Variants in SEC24D observed in about 807,000 individuals in gnomAD.
SEC24D encodes the protein protein transport protein Sec24D.
In SEC24D, 69 loss-of-function variants were observed where a neutral mutation model predicts 116.9. The ratio of observed to expected loss-of-function variants is 0.59; its 90% confidence interval spans 0.49 to 0.72. The LOEUF (loss-of-function observed/expected upper bound fraction) is 0.72. Among genes scored for constraint, SEC24D ranks in the 30% least tolerant of loss-of-function variants. The pLI, the probability that SEC24D is intolerant of heterozygous loss-of-function variation, is 0.00. For missense variants in SEC24D, 1,131 were observed against 1,264.1 expected (o/e 0.89, Z 1.60); for synonymous variants, 405 against 442.8 (o/e 0.91, Z 1.07).
chr4:118,738,375 A>T lies in SEC24D; in HGVS notation c.2382T>A (p.Phe794Leu), dbSNP rs762517139. The T allele has an allele frequency of 2.5e-6, 4 of 1,595,444 alleles. No individual in the cohort carries two copies. The African/African-American group carries it at 4.0e-5, about 16-fold the overall frequency. ...TCAAAGGCTGGTGGAGAACTGCTTT[A>T]AAAGCTACATCACAAAACAATGAAA... ...ALINFFAKSA[F>L]KAVLHQPLKV... The change falls in exon 19 of 23, where the codon TTT becomes TTA. Residue 794 changes from phenylalanine to leucine, a missense_variant. Coordinates refer to ENST00000280551, the MANE Select transcript of SEC24D (RefSeq NM_014822.4).
chr4:118,766,154 T>C (rs1036501004), intron 9 of SEC24D, among the ~76,000 whole-genome samples: 1 of 152,212 alleles, frequency 6.6e-6, no homozygotes, highest in African/African-American at 2.4e-5. Context: ...ATATGTGAAA[T>C]GTTTTCCCTT....
chr4:118,779,818 T>C (rs972067676), intron 8 of SEC24D, among the ~76,000 whole-genome samples: 28 of 152,230 alleles, frequency 1.8e-4, no homozygotes, highest in Non-Finnish European at 3.5e-4. Flanking sequence ...AACTTCTTCC[T>C]GGTTTAGTCT....
At chr4:118,807,224 A>G (rs552118072) in intron 6 of SEC24D, among the ~76,000 whole-genome samples, 1 of 152,340 alleles carries the variant, frequency 6.6e-6, no homozygotes, top group East Asian at 1.9e-4. Context: ...GCTGCAGAGA[A>G]GTCAACAGCA....
At position 118,815,660 on chromosome 4, in the gene SEC24D, G is replaced by A. The variant is rs1415372114; in HGVS notation, c.464C>T (p.Pro155Leu). Residue 155 changes from proline (P) to leucine (L), a missense_variant, in exon 5 of 23, where the codon CCT (proline) becomes CTT (leucine). Pro to Leu is a moderately conservative substitution (Grantham distance 98). Transcript: ENST00000280551. ...GPLSATSLQT[P>L]PRPPQPSILQ... Reference sequence around the variant, plus strand: ...AATGGAAGGCTGTGGAGGTCGTGGAGGAGTCTGCAATGATGTGGCTGACAG... The same window carrying A: ...AATGGAAGGCTGTGGAGGTCGTGGAAGAGTCTGCAATGATGTGGCTGACAG... The A allele has an allele frequency of 6.2e-7, 1 of 1,613,992 alleles. No individual in the cohort carries two copies. The highest frequency in any genetic ancestry group is 1.7e-5 in the Admixed American group (1 of 60,008).
intron 8 of SEC24D, among the ~76,000 whole-genome samples, chr4:118,772,016 TCA>T (rs1344079951): frequency 6.6e-6 from 1 of 152,226 alleles, no homozygotes; most frequent in Non-Finnish European, 1.5e-5. Context: ...GTTAAATTAT[TCA>T]CAGATTGTAT....
chr4:118,786,216 T>G (rs1728659897), intron 8 of SEC24D, among the ~76,000 whole-genome samples: 1 of 152,222 alleles, frequency 6.6e-6, no homozygotes, highest in Non-Finnish European at 1.5e-5. Flanking sequence ...TCAGAAATAA[T>G]CTGTGCTTCA....
Position 118,743,969 on chromosome 4 carries a change from A to G in SEC24D, c.1995+19T>C, listed in dbSNP as rs764485966. Reference sequence around the variant, plus strand: ...AAATGGGAGTAGAAGACCAAGGTGAACAAATTGCTGGCATTTACCTGGAAA... The same window carrying G: ...AAATGGGAGTAGAAGACCAAGGTGAGCAAATTGCTGGCATTTACCTGGAAA... On this transcript the variant is annotated intron_variant, in intron 15 of 22. Coordinates refer to ENST00000280551, the MANE Select transcript of SEC24D (RefSeq NM_014822.4). The G allele has an allele frequency of 1.3e-6, 2 of 1,588,076 alleles. No homozygotes were observed. The highest frequency in any genetic ancestry group is 1.7e-6 in the Non-Finnish European group (2 of 1,167,420).
rs1725499887 is a variant in SEC24D, at chr4:118,728,122, C to T, written c.2958+439G>A. 1.3e-5 allele frequency among the ~76,000 whole-genome samples: 2 copies of T among 152,166 alleles called. 1 individual carries two copies. The highest frequency in any genetic ancestry group is 4.1e-4 in the South Asian group (2 of 4,822). On this transcript the variant is annotated intron_variant, in intron 22 of 22. Transcript: ENST00000280551. ...TCTAGACATATTAAAATTTTTTACTCAAACTCAGAAAAGGCTAGAAGGGCT... is the reference window on the plus strand; with the variant it reads ...TCTAGACATATTAAAATTTTTTACTTAAACTCAGAAAAGGCTAGAAGGGCT...
intron 15 of SEC24D, among the ~76,000 whole-genome samples, chr4:118,742,823 T>A (rs1369593632): frequency 6.6e-6 from 1 of 152,140 alleles, no homozygotes; most frequent in Non-Finnish European, 1.5e-5. Context: ...GGGGAGTGAC[T>A]CATCTGATTA....
intron 1 of SEC24D, among the ~76,000 whole-genome samples, chr4:118,834,909 C>G (rs897377588): frequency 6.6e-6 from 1 of 152,098 alleles, no homozygotes; most frequent in African/African-American, 2.4e-5. Context: ...AAATTTGAAG[C>G]CTAAAATTTG....
chr4:118,802,904 G>A (rs911131233), intron 7 of SEC24D, among the ~76,000 whole-genome samples: 1 of 152,160 alleles, frequency 6.6e-6, no homozygotes, highest in Non-Finnish European at 1.5e-5. Flanking sequence ...GGAAAGTTAC[G>A]TAGCCTTAAA....
intron 8 of SEC24D, among the ~76,000 whole-genome samples, chr4:118,773,818 GTA>G (rs1421961658): frequency 1.3e-5 from 2 of 152,118 alleles, no homozygotes; most frequent in African/African-American, 4.8e-5. Context: ...TAGCTTTACT[GTA>G]TATGACATTT....
intron 11 of SEC24D, among the ~76,000 whole-genome samples, chr4:118,754,333 T>C (rs1726976906): frequency 6.6e-6 from 1 of 152,118 alleles, no homozygotes; most frequent in Admixed American, 6.6e-5. Context: ...ACTGCATCCA[T>C]ACTCACCCCA....
chr4:118,752,943 G>A, intron 11 of SEC24D, 55 bp from the exon 12 acceptor site: 2 of 1,309,226 alleles, frequency 1.5e-6, no homozygotes, highest in East Asian at 2.5e-5. Context: ...ATGAAAAGGA[G>A]GTTTCTATCT....
chr4:118,744,728 G>A (rs998928889), intron 14 of SEC24D, among the ~76,000 whole-genome samples: 1 of 152,022 alleles, frequency 6.6e-6, no homozygotes, highest in Admixed American at 6.6e-5. Context: ...CCCAGCCTGG[G>A]GCCTTATTTT....
intron 8 of SEC24D, among the ~76,000 whole-genome samples, chr4:118,777,123 A>ATTTAT (rs1400540195): frequency 7.1e-6 from 1 of 141,062 alleles, no homozygotes; most frequent in Non-Finnish European, 1.6e-5. Context: ...TTATTTATTT[A>ATTTAT]TTTTTATTAT....
intron 6 of SEC24D, among the ~76,000 whole-genome samples, chr4:118,808,131 T>C (rs1214179711): frequency 1.3e-5 from 2 of 152,148 alleles, no homozygotes; most frequent in African/African-American, 2.4e-5. Context: ...CAGTTAATTT[T>C]TAAATTTTTT....
intron 6 of SEC24D, among the ~76,000 whole-genome samples, chr4:118,809,745 A>G (rs1000859292): frequency 2.0e-5 from 3 of 152,246 alleles, no homozygotes; most frequent in Admixed American, 2.0e-4. Context: ...GAACAAAACC[A>G]TCATGGAGTG....
At chr4:118,819,651 G>T (rs1578473358) in intron 3 of SEC24D, among the ~76,000 whole-genome samples, 1 of 151,970 alleles carries the variant, frequency 6.6e-6, no homozygotes, top group East Asian at 1.9e-4. Flanking sequence ...GGTTACAGAT[G>T]TTGGATTTGA....
Sources: gnomAD v4.1 joint callset for allele counts (sites outside exome capture counted in the v4.1 genomes callset) on GRCh38, gnomAD v4.1.1 for gene constraint, MANE v1.5 for transcripts, NCBI Gene and HGNC (gene_info 2026-07-23, HGNC 2026-07-21) for gene names.